The following NPHP4 variants were observed in gnomAD, a reference collection of about 807,000 sequenced individuals.
NPHP4 encodes the protein nephrocystin 4.
Under a neutral mutation model 155.8 loss-of-function variants are expected in NPHP4, and 151 were observed. That is an observed-to-expected ratio of 0.97 (90% confidence interval 0.85 to 1.11). NPHP4 has a LOEUF of 1.11. Among genes scored for constraint, NPHP4 ranks in the 50% least tolerant of loss-of-function variants. The probability of loss-of-function intolerance (pLI) is 0.00; values close to 1 mark genes in which losing one functional copy is unlikely to be tolerated. For synonymous variants in NPHP4, 845 were observed against 816.8 expected, an observed-to-expected ratio of 1.03 and a Z score of -0.59; for missense variants, 1,956 against 1,925.7, an observed-to-expected ratio of 1.02 and a Z score of -0.29.
chr1:5,977,534 G>A (rs1274355992), intron 3 of NPHP4, among the ~76,000 whole-genome samples: 1 of 151,972 alleles, frequency 6.6e-6, no homozygotes, highest in Non-Finnish European at 1.5e-5. Flanking sequence ...TCTGTTACCT[G>A]CTCAGTGCGT....
chr1:5,942,557 CT>C (rs1646877010), intron 9 of NPHP4, among the ~76,000 whole-genome samples: 1 of 76,254 alleles, frequency 1.3e-5, no homozygotes, highest in Non-Finnish European at 2.7e-5. Context: ...AAAAAGGAGA[CT>C]AAAATATTAA....
Position 5,863,996 on chromosome 1 carries a change from C to T in NPHP4, c.4034G>A (p.Gly1345Asp), listed in dbSNP as rs200407553. 390 of 1,613,752 alleles carry T rather than the reference C, an allele frequency of 2.4e-4. No homozygotes were observed. In the Middle Eastern group the frequency reaches 2.5e-3, roughly 10 times the overall value. ...EIMLAAGEGK[G>D]VNKRITYTNP... ...GGTGTAGGTGATCCTCTTGTTGACA[C>T]CCTTCCCTTCGCCCGCAGCCAACAT... The change falls in exon 29 of 30, where the codon GGT (glycine) becomes GAT (aspartate). Residue 1345 changes from glycine (G) to aspartate (D), a missense_variant. Physicochemically the swap from Gly to Asp is moderately conservative, Grantham distance 94. Transcript: ENST00000378156.
chr1:5,924,515 G>A lies in NPHP4; in HGVS notation c.1441+3134C>T, dbSNP rs573350238. Among the ~76,000 whole-genome samples, 3 of 152,184 alleles carry A rather than the reference G, an allele frequency of 2.0e-5. No individual in the cohort carries two copies. In the South Asian group the frequency reaches 6.2e-4, roughly 32 times the overall value. Reference sequence around the variant, plus strand: ...GGGCAGCCAGGGAAGTAAAACCAAAGCCCACAGATGGCATCCACAAATTGA... The same window carrying A: ...GGGCAGCCAGGGAAGTAAAACCAAAACCCACAGATGGCATCCACAAATTGA... On this transcript the variant is annotated intron_variant, in intron 11 of 29. Coordinates refer to ENST00000378156, the MANE Select transcript of NPHP4 (RefSeq NM_015102.5).
chr1:5,960,456 G>A (rs575837606), intron 6 of NPHP4, among the ~76,000 whole-genome samples: 24 of 152,028 alleles, frequency 1.6e-4, no homozygotes, highest in African/African-American at 2.2e-4. Context: ...GACCTGCGCC[G>A]GAGCCGAGCT....
At chr1:5,946,512 C>T (rs10492950) in intron 9 of NPHP4, among the ~76,000 whole-genome samples, 7,815 of 152,260 alleles carry the variant, frequency 0.051, 315 homozygotes, top group African/African-American at 0.12. Context: ...ATGAAACTTA[C>T]TGACCTATGC....
intron 23 of NPHP4, among the ~76,000 whole-genome samples, chr1:5,868,718 C>A (rs1641559408): frequency 6.8e-6 from 1 of 147,406 alleles, no homozygotes; most frequent in African/African-American, 2.5e-5. Context: ...CCCACACACA[C>A]ACATGCACGC....
At chr1:5,931,886 G>C (rs549469395) in intron 10 of NPHP4, among the ~76,000 whole-genome samples, 1 of 152,144 alleles carries the variant, frequency 6.6e-6, no homozygotes, top group South Asian at 2.1e-4. Flanking sequence ...ATGATCCCAG[G>C]AAACACAGCA....
intron 15 of NPHP4, 35 bp from the exon 16 acceptor site, chr1:5,904,839 T>C (rs979168387): frequency 6.2e-7 from 1 of 1,603,296 alleles, no homozygotes; most frequent in Non-Finnish European, 8.5e-7. Flanking sequence ...TAACTGAGTA[T>C]CCATGGCACA....
chr1:5,963,507 AGTGGCTAGT>A (rs1445478701), intron 5 of NPHP4, among the ~76,000 whole-genome samples: 4 of 152,122 alleles, frequency 2.6e-5, no homozygotes, highest in Non-Finnish European at 5.9e-5. Context: ...ATTTGACCTG[AGTGGCTAGT>A]CAGGAGTCAC....
intron 16 of NPHP4, among the ~76,000 whole-genome samples, chr1:5,903,842 G>A (rs190782470): frequency 1.1e-4 from 16 of 152,324 alleles, no homozygotes; most frequent in Non-Finnish European, 1.3e-4. Context: ...ATGACACAGC[G>A]GTGGGCACAA....
At chr1:5,880,347 C>A (rs1259240226) in intron 18 of NPHP4, 108 bp from the exon 19 acceptor site, 1 of 1,099,576 alleles carries the variant, frequency 9.1e-7, no homozygotes, top group African/African-American at 1.5e-5. Context: ...CCTATCTACA[C>A]CCTGACACGC....
At chr1:5,864,131 C>T (rs1007247539) in intron 28 of NPHP4, 98 bp from the exon 29 acceptor site, 67 of 1,393,872 alleles carry the variant, frequency 4.8e-5, no homozygotes, top group Non-Finnish European at 6.0e-5. Flanking sequence ...GCACCGTGCA[C>T]GGGGACCCCC....
chr1:5,915,288 G>A (rs1046331920), intron 11 of NPHP4, among the ~76,000 whole-genome samples: 7 of 152,148 alleles, frequency 4.6e-5, no homozygotes, highest in African/African-American at 7.2e-5. Flanking sequence ...AAAAGGCAGG[G>A]GAAAGGAAGG....
intron 7 of NPHP4, among the ~76,000 whole-genome samples, chr1:5,951,708 C>G (rs1295567842): frequency 5.3e-5 from 8 of 152,226 alleles, no homozygotes; most frequent in Admixed American, 5.2e-4. Context: ...AGACCAAGGA[C>G]AGATTATCGC....
chr1:5,946,435 T>C (rs1647101828), intron 9 of NPHP4, among the ~76,000 whole-genome samples: 1 of 152,246 alleles, frequency 6.6e-6, no homozygotes, highest in African/African-American at 2.4e-5. Context: ...TAAAAATACA[T>C]TAAAATGGCC....
intron 2 of NPHP4, among the ~76,000 whole-genome samples, chr1:5,981,717 TATC>T (rs1654735512): frequency 6.6e-6 from 1 of 152,238 alleles, no homozygotes; most frequent in African/African-American, 2.4e-5. Flanking sequence ...GAATTCTATT[TATC>T]TTCTTTTAAA....
chr1:5,901,695 G>T (rs926919089), intron 16 of NPHP4, among the ~76,000 whole-genome samples: 4 of 152,306 alleles, frequency 2.6e-5, no homozygotes, highest in East Asian at 1.9e-4. Context: ...CTTCGTTGCA[G>T]AGCCTCTGAT....
At chr1:5,871,086 G>C (rs1239744644) in intron 23 of NPHP4, among the ~76,000 whole-genome samples, 1 of 152,204 alleles carries the variant, frequency 6.6e-6, no homozygotes, top group Non-Finnish European at 1.5e-5. Context: ...GGCATTACCT[G>C]ATAATTTATT....
chr1:5,934,501 G>A (rs1262064443), intron 9 of NPHP4, among the ~76,000 whole-genome samples: 2 of 152,134 alleles, frequency 1.3e-5, no homozygotes, highest in Admixed American at 1.3e-4. Context: ...CATGAGCACA[G>A]TGCTCCACTT....
Sources: gnomAD v4.1 joint callset for allele counts (sites outside exome capture counted in the v4.1 genomes callset) on GRCh38, gnomAD v4.1.1 for gene constraint, MANE v1.5 for transcripts, NCBI Gene and HGNC (gene_info 2026-07-23, HGNC 2026-07-21) for gene names.